CNTN3: variants seen among roughly 807,000 people sequenced by gnomAD.
The protein encoded by CNTN3 is contactin-3.
In CNTN3, 60 loss-of-function variants were observed where a neutral mutation model predicts 119.1. That is an observed-to-expected ratio of 0.50 (90% CI 0.41 to 0.62). The LOEUF (loss-of-function observed/expected upper bound fraction) is 0.62, where lower values mean the gene tolerates loss of function less well. Among genes scored for constraint, CNTN3 ranks in the 20% least tolerant of loss-of-function variants. CNTN3 has a pLI of 0.00. For missense variants in CNTN3, 1,101 were observed against 1,242.4 expected (o/e 0.89, Z 1.71); for synonymous variants, 450 against 438.7 (o/e 1.03, Z -0.32).
chr3:74,541,967 C>T (rs962525794), intron 1 of CNTN3, among the ~76,000 whole-genome samples: 2 of 152,062 alleles, frequency 1.3e-5, no homozygotes, highest in Non-Finnish European at 2.9e-5. Flanking sequence ...GGTGCAGTGG[C>T]TCATACTTGT....
At chr3:74,563,643 C>G (rs941556780) in intron 1 of CNTN3, among the ~76,000 whole-genome samples, 1 of 152,024 alleles carries the variant, frequency 6.6e-6, no homozygotes, top group Non-Finnish European at 1.5e-5. Flanking sequence ...AGCACATGAC[C>G]TAGGCTCTGA....
chr3:74,339,598 T>C (rs963642482), intron 11 of CNTN3, among the ~76,000 whole-genome samples: 2 of 152,128 alleles, frequency 1.3e-5, no homozygotes, highest in Admixed American at 6.6e-5. Flanking sequence ...ATTTGACTAA[T>C]ATTTTTCTCC....
At chr3:74,540,897 C>A (rs1334916077) in intron 1 of CNTN3, among the ~76,000 whole-genome samples, 2 of 152,042 alleles carry the variant, frequency 1.3e-5, no homozygotes, top group African/African-American at 2.4e-5. Context: ...TCTATGTTTG[C>A]AATCATAAGA....
intron 1 of CNTN3, among the ~76,000 whole-genome samples, chr3:74,551,833 G>A (rs545643783): frequency 4.7e-4 from 67 of 141,150 alleles, no homozygotes; most frequent in Non-Finnish European, 8.3e-4. Flanking sequence ...GCGCGATCTC[G>A]GTGCACTGCA....
At chr3:74,530,009 A>T (rs1703672008) in intron 1 of CNTN3, among the ~76,000 whole-genome samples, 2 of 152,010 alleles carry the variant, frequency 1.3e-5, no homozygotes, top group African/African-American at 4.8e-5. Context: ...ACTAGCCCAG[A>T]CCATTCTGTT....
intron 13 of CNTN3, among the ~76,000 whole-genome samples, chr3:74,312,865 C>G (rs1702727979): frequency 6.6e-6 from 1 of 151,922 alleles, no homozygotes; most frequent in East Asian, 1.9e-4. Context: ...AGCAGGAATG[C>G]TGGAATTATG....
chr3:74,432,063 T>TA (rs35683456), intron 4 of CNTN3, among the ~76,000 whole-genome samples: 55,713 of 152,082 alleles, frequency 0.37, 11,280 homozygotes, highest in East Asian at 0.57. Flanking sequence ...TAAACGTCTT[T>TA]AATGTTTAAT....
chr3:74,489,252 C>A (rs1315000458), intron 3 of CNTN3, among the ~76,000 whole-genome samples: 1 of 152,066 alleles, frequency 6.6e-6, no homozygotes, highest in Non-Finnish European at 1.5e-5. Flanking sequence ...GACTAATATG[C>A]ATATTCAAGT....
intron 20 of CNTN3, among the ~76,000 whole-genome samples, chr3:74,275,897 T>A (rs540795897): frequency 1.3e-5 from 2 of 152,182 alleles, no homozygotes; most frequent in African/African-American, 4.8e-5. Context: ...TTCAGGAGAC[T>A]CACCTAACAC....
chr3:74,508,450 G>A (rs1703304456), intron 2 of CNTN3, among the ~76,000 whole-genome samples: 1 of 152,070 alleles, frequency 6.6e-6, no homozygotes, highest in Non-Finnish European at 1.5e-5. Context: ...GGAGATTGGG[G>A]TATGTCTTAG....
chr3:74,517,475 T>C (rs573653296), intron 2 of CNTN3, among the ~76,000 whole-genome samples: 1 of 152,038 alleles, frequency 6.6e-6, no homozygotes, highest in South Asian at 2.1e-4. Flanking sequence ...ACACCCATAT[T>C]GTGCTAGGGT....
In CNTN3 at chr3:74,430,260, T is replaced by C. The variant is rs371579340; in HGVS notation, c.359-5320A>G. On this transcript the variant is annotated intron_variant, in intron 4 of 22. Transcript: ENST00000263665. ...AACCCAAGTTCCTTCAATGTGTGAA[T>C]GGCTAAATGCACAGTGCTACATCCA... Among the ~76,000 whole-genome samples the C allele has an allele frequency of 7.9e-5, 12 of 152,294 alleles. No individual in the cohort carries two copies. The East Asian group carries it at 1.9e-3, about 25-fold the overall frequency.
chr3:74,274,129 C>T (rs1252723355), intron 20 of CNTN3, among the ~76,000 whole-genome samples: 4 of 151,840 alleles, frequency 2.6e-5, no homozygotes, highest in African/African-American at 9.7e-5. Context: ...AACCTCACGC[C>T]CATCCCCCCA....
intron 1 of CNTN3, among the ~76,000 whole-genome samples, chr3:74,566,618 GTC>G (rs1704229677): frequency 6.6e-6 from 1 of 152,066 alleles, no homozygotes; most frequent in African/African-American, 2.4e-5. Flanking sequence ...GGCTTCACAT[GTC>G]TCTCTTTTTG....
intron 19 of CNTN3, among the ~76,000 whole-genome samples, chr3:74,294,676 G>A (rs1250995070): frequency 6.6e-6 from 1 of 151,962 alleles, no homozygotes; most frequent in Admixed American, 6.6e-5. Context: ...AAACAGAGAG[G>A]TCTTTGAAGG....
intron 1 of CNTN3, among the ~76,000 whole-genome samples, chr3:74,610,098 A>C (rs1705055598): frequency 6.6e-6 from 1 of 152,050 alleles, no homozygotes; most frequent in Non-Finnish European, 1.5e-5. Context: ...CGAGGTGGGC[A>C]GATCGTTTGA....
intron 20 of CNTN3, among the ~76,000 whole-genome samples, chr3:74,281,979 CT>C (rs1249102894): frequency 5.9e-5 from 9 of 152,166 alleles, no homozygotes. Flanking sequence ...CAGATTATCT[CT>C]TGCAAACTCA....
chr3:74,525,258 C>A (rs903768629), intron 1 of CNTN3, among the ~76,000 whole-genome samples: 1 of 151,754 alleles, frequency 6.6e-6, no homozygotes, highest in Admixed American at 6.6e-5. Flanking sequence ...ATGTTAATAT[C>A]ATATAATATT....
chr3:74,319,847 A>G (rs1223512285), intron 13 of CNTN3, among the ~76,000 whole-genome samples: 1 of 152,162 alleles, frequency 6.6e-6, no homozygotes, highest in African/African-American at 2.4e-5. Flanking sequence ...CCCATCAATA[A>G]GCAGGTGAAG....
Sources: gnomAD v4.1 joint callset for allele counts (sites outside exome capture counted in the v4.1 genomes callset) on GRCh38, gnomAD v4.1.1 for gene constraint, MANE v1.5 for transcripts, NCBI Gene and HGNC (gene_info 2026-07-23, HGNC 2026-07-21) for gene names.